PAX5: variants seen among roughly 807,000 people sequenced by gnomAD.
PAX5 encodes paired box 5, also known as paired box protein Pax-5.
A neutral mutation model predicts 43.7 loss-of-function variants in PAX5; 9 were observed. That is an observed-to-expected ratio of 0.21 (90% CI 0.12 to 0.36). The LOEUF is 0.36. Ranked by LOEUF, PAX5 falls within the 10% of genes least tolerant of loss-of-function variation. The probability of loss-of-function intolerance (pLI) is 1.00; values close to 1 mark genes in which losing one functional copy is unlikely to be tolerated. For synonymous variants in PAX5, 228 were observed against 214.3 expected, an observed-to-expected ratio of 1.06 and a Z score of -0.56; for missense variants, 383 against 532.7, an observed-to-expected ratio of 0.72 and a Z score of 2.77.
chr9:37,026,613 C>T (rs1335345064), intron 1 of PAX5: 1 of 1,351,034 alleles, frequency 7.4e-7, no homozygotes, highest in Admixed American at 2.2e-5. Flanking sequence ...CACGCCGCCG[C>T]CTCCCGGCGC....
chr9:37,019,355 G>C (rs1839665327), intron 2 of PAX5, among the ~76,000 whole-genome samples: 1 of 152,096 alleles, frequency 6.6e-6, no homozygotes, highest in South Asian at 2.1e-4. Context: ...TTCATTTGCT[G>C]AGTGCTAAAC....
rs187696576 is a variant in PAX5 at position 36,955,921 on chromosome 9, T to A, written c.780+10628A>T. Among the ~76,000 whole-genome samples the A allele has an allele frequency of 8.1e-3, 1,227 of 152,184 alleles. 11 individuals are homozygous for A. The highest frequency in any genetic ancestry group is 0.014 in the Non-Finnish European group (937 of 68,000). On this transcript the variant is annotated intron_variant, in intron 6 of 9. Coordinates refer to ENST00000358127, the MANE Select transcript of PAX5 (RefSeq NM_016734.3). ...AGAATCAGAAATCTACGTTCTTTTT[T>A]AAAAAATAATTTACAAAACAATAAA...
chr9:37,032,105 G>A (rs1841042376), intron 1 of PAX5, among the ~76,000 whole-genome samples: 1 of 152,258 alleles, frequency 6.6e-6, no homozygotes, highest in Admixed American at 6.5e-5. Context: ...GTGAGGAGGG[G>A]GCGTGGCTCT....
chr9:36,877,290 G>A (rs969303615), intron 8 of PAX5, among the ~76,000 whole-genome samples: 8 of 152,178 alleles, frequency 5.3e-5, no homozygotes, highest in Non-Finnish European at 8.8e-5. Flanking sequence ...AGCCAAGATC[G>A]CACCACTGCA....
At chr9:37,027,152 A>C (rs114784609) in intron 1 of PAX5, among the ~76,000 whole-genome samples, 1 of 151,962 alleles carries the variant, frequency 6.6e-6, no homozygotes, top group African/African-American at 2.4e-5. Context: ...CCTCTCTCCA[A>C]CTGGCTCTCC....
intron 6 of PAX5, among the ~76,000 whole-genome samples, chr9:36,961,904 A>G (rs1044996577): frequency 1.3e-5 from 2 of 152,186 alleles, no homozygotes; most frequent in Non-Finnish European, 2.9e-5. Flanking sequence ...CTCACTCCAT[A>G]TGTAGGGAAA....
chr9:36,993,856 C>T (rs1207239136), intron 5 of PAX5, among the ~76,000 whole-genome samples: 1 of 152,184 alleles, frequency 6.6e-6, no homozygotes, highest in Non-Finnish European at 1.5e-5. Flanking sequence ...GAGATCCCCA[C>T]ATGGCAGCAC....
intron 6 of PAX5, among the ~76,000 whole-genome samples, chr9:36,949,237 T>C (rs1025268083): frequency 6.6e-6 from 1 of 152,036 alleles, no homozygotes; most frequent in Non-Finnish European, 1.5e-5. Context: ...ATTTTTTGTA[T>C]TTTTAGTAGA....
chr9:36,921,362 C>G (rs1830156906), intron 7 of PAX5, among the ~76,000 whole-genome samples: 1 of 152,190 alleles, frequency 6.6e-6, no homozygotes, highest in South Asian at 2.1e-4. Context: ...AGACCAGAAC[C>G]CTTTTACAGA....
chr9:36,999,232 G>A (rs1401757350), intron 5 of PAX5, among the ~76,000 whole-genome samples: 1 of 152,192 alleles, frequency 6.6e-6, no homozygotes, highest in East Asian at 1.9e-4. Flanking sequence ...GCTCACCAGA[G>A]TCCCAGACTT....
intron 3 of PAX5, among the ~76,000 whole-genome samples, 186 bp from the exon 4 acceptor site, chr9:37,006,723 G>T (rs574711789): frequency 6.6e-6 from 1 of 152,332 alleles, no homozygotes; most frequent in East Asian, 1.9e-4. Flanking sequence ...AAGGTTTATG[G>T]ACTAGTCCCA....
intron 6 of PAX5, chr9:36,931,022 A>G: frequency 2.1e-6 from 1 of 485,432 alleles, no homozygotes; most frequent in Non-Finnish European, 4.0e-6. Context: ...CGCATGGGGC[A>G]AGGCTGCAGG....
At chr9:37,007,771 CG>C (rs945085448) in intron 3 of PAX5, 12 of 152,200 alleles carry the variant, frequency 7.9e-5, no homozygotes, top group Non-Finnish European at 1.0e-4. Context: ...CATCTAAAAA[CG>C]GTATTTTGGT....
chr9:36,919,185 G>C (rs1373645895), intron 7 of PAX5, among the ~76,000 whole-genome samples: 1 of 152,002 alleles, frequency 6.6e-6, no homozygotes, highest in Non-Finnish European at 1.5e-5. Context: ...AACAAAGCCT[G>C]GATAACAGCA....
intron 7 of PAX5, among the ~76,000 whole-genome samples, chr9:36,911,555 G>A (rs1829294067): frequency 6.6e-6 from 1 of 152,212 alleles, no homozygotes. Flanking sequence ...ATCCTGCACT[G>A]TAGCTCTTGT....
At chr9:36,960,895 T>C (rs1833918591) in intron 6 of PAX5, among the ~76,000 whole-genome samples, 1 of 152,212 alleles carries the variant, frequency 6.6e-6, no homozygotes, top group African/African-American at 2.4e-5. Flanking sequence ...CAGCCCGCCA[T>C]CTGCTATTGC....
intron 8 of PAX5, among the ~76,000 whole-genome samples, chr9:36,867,220 T>G (rs1366389284): frequency 6.6e-6 from 1 of 152,080 alleles, no homozygotes; most frequent in Non-Finnish European, 1.5e-5. Flanking sequence ...TTCACAAAGG[T>G]CCAGTGCAAA....
chr9:36,927,699 C>CCTTTTT (rs1830760667), intron 6 of PAX5, among the ~76,000 whole-genome samples: 1 of 140,442 alleles, frequency 7.1e-6, no homozygotes. Flanking sequence ...CTGTGCCTTT[C>CCTTTTT]CTTTTTCTTT....
At chr9:36,994,416 C>T (rs1837213601) in intron 5 of PAX5, among the ~76,000 whole-genome samples, 2 of 152,200 alleles carry the variant, frequency 1.3e-5, no homozygotes, top group Admixed American at 1.3e-4. Context: ...GGCTGCTTGG[C>T]CACTGCCCTA....
Sources: gnomAD v4.1 joint callset for allele counts (sites outside exome capture counted in the v4.1 genomes callset) on GRCh38, gnomAD v4.1.1 for gene constraint, MANE v1.5 for transcripts, NCBI Gene and HGNC (gene_info 2026-07-23, HGNC 2026-07-21) for gene names.